Variants in STPG2 observed in about 807,000 individuals in gnomAD.
The protein encoded by STPG2 is sperm tail PG-rich repeat containing 2.
In STPG2, 56 loss-of-function variants were observed where a neutral mutation model predicts 54.2. The observed-to-expected ratio is 1.03, with a 90% CI of 0.83 to 1.29. The LOEUF is 1.29. Ranked by LOEUF, STPG2 falls within the 50% of genes most tolerant of loss-of-function variation. The pLI is 0.00. For missense variants in STPG2, 596 were observed against 544.9 expected (o/e 1.09, Z -0.93); for synonymous variants, 200 against 181.8 (o/e 1.10, Z -0.81).
chr4:97,951,464 C>T (rs900780872), intron 7 of STPG2, among the ~76,000 whole-genome samples: 3 of 151,982 alleles, frequency 2.0e-5, no homozygotes, highest in African/African-American at 4.8e-5. Flanking sequence ...TCTAATTATT[C>T]TTGAAATTAT....
intron 5 of STPG2, among the ~76,000 whole-genome samples, chr4:98,067,944 A>C (rs1201304420): frequency 6.6e-6 from 1 of 152,172 alleles, no homozygotes; most frequent in Non-Finnish European, 1.5e-5. Context: ...GAAGAAAACA[A>C]AAGCAGGGTT....
At chr4:97,656,564 T>A (rs1264813246) in intron 10 of STPG2, among the ~76,000 whole-genome samples, 5 of 151,936 alleles carry the variant, frequency 3.3e-5, no homozygotes, top group African/African-American at 1.2e-4. Context: ...TACCACAAAT[T>A]AGCATGGTCT....
intron 8 of STPG2, among the ~76,000 whole-genome samples, chr4:97,848,025 G>C (rs1178562901): frequency 1.3e-5 from 2 of 152,116 alleles, no homozygotes; most frequent in Non-Finnish European, 2.9e-5. Flanking sequence ...CATGCTAGTA[G>C]CCAATAAACT....
chr4:97,756,369 T>A (rs1336694880), intron 9 of STPG2, among the ~76,000 whole-genome samples: 1 of 152,216 alleles, frequency 6.6e-6, no homozygotes, highest in Non-Finnish European at 1.5e-5. Flanking sequence ...TTGCCCAAGC[T>A]GGAGTGCAAT....
intron 7 of STPG2, among the ~76,000 whole-genome samples, chr4:97,953,659 A>G (rs1249417794): frequency 6.6e-6 from 1 of 152,174 alleles, no homozygotes; most frequent in Non-Finnish European, 1.5e-5. Flanking sequence ...TGCTCCTTAA[A>G]TCAGTTCTAG....
At chr4:97,652,455 A>G (rs1024882722) in intron 10 of STPG2, among the ~76,000 whole-genome samples, 1 of 151,678 alleles carries the variant, frequency 6.6e-6, no homozygotes, top group Non-Finnish European at 1.5e-5. Flanking sequence ...TTGCTAGTAT[A>G]TGTTCTTACA....
At chr4:97,882,290 T>C (rs558094269) in intron 8 of STPG2, among the ~76,000 whole-genome samples, 6 of 152,136 alleles carry the variant, frequency 3.9e-5, no homozygotes, top group Non-Finnish European at 5.9e-5. Flanking sequence ...TCTTACTGTG[T>C]AGACCTTGGG....
intron 9 of STPG2, among the ~76,000 whole-genome samples, chr4:97,741,047 GA>G (rs1240782525): frequency 6.6e-6 from 1 of 152,028 alleles, no homozygotes; most frequent in Admixed American, 6.6e-5. Context: ...AGAGCCCTCA[GA>G]AAAAACACCG....
At chr4:98,041,133 C>T (rs1398398207) in intron 5 of STPG2, among the ~76,000 whole-genome samples, 1 of 151,492 alleles carries the variant, frequency 6.6e-6, no homozygotes, top group Non-Finnish European at 1.5e-5. Flanking sequence ...TGGTTCTCAG[C>T]TTATTTTTGG....
intron 8 of STPG2, among the ~76,000 whole-genome samples, chr4:97,919,448 TAAA>T (rs35578226): frequency 2.0e-5 from 3 of 150,258 alleles, no homozygotes; most frequent in African/African-American, 7.3e-5. Context: ...ACAGAAAAAT[TAAA>T]AAAAAGAAAA....
intron 4 of STPG2, among the ~76,000 whole-genome samples, chr4:97,488,601 G>T (rs1405259584): frequency 6.6e-6 from 1 of 151,586 alleles, no homozygotes; most frequent in Admixed American, 6.6e-5. Flanking sequence ...GAGAGGAGTG[G>T]GTAAGTAGGC....
chr4:98,003,096 C>A (rs1426674), intron 5 of STPG2, among the ~76,000 whole-genome samples: 59,901 of 151,838 alleles, frequency 0.39, 12,046 homozygotes, highest in Middle Eastern at 0.47. Flanking sequence ...AATCATTGAT[C>A]ACTACAAATA....
downstream of STPG2, among the ~76,000 whole-genome samples, chr4:97,558,702 A>C (rs1228856671): frequency 2.0e-5 from 3 of 152,180 alleles, no homozygotes; most frequent in Admixed American, 6.5e-5. Context: ...CCTAGGAGAC[A>C]CCTAGATTGC....
intron 10 of STPG2, among the ~76,000 whole-genome samples, chr4:97,622,810 A>G (rs1734046365): frequency 6.6e-6 from 1 of 152,182 alleles, no homozygotes. Context: ...CCAAAAGCCA[A>G]AGTAATCCTA....
chr4:97,668,312 G>C (rs1447053245), intron 10 of STPG2, among the ~76,000 whole-genome samples: 2 of 152,148 alleles, frequency 1.3e-5, no homozygotes, highest in Non-Finnish European at 2.9e-5. Flanking sequence ...AGACTGGAAA[G>C]ATAGACAAGT....
intron 5 of STPG2, among the ~76,000 whole-genome samples, chr4:98,008,824 C>T (rs1404161965): frequency 6.6e-6 from 1 of 152,050 alleles, no homozygotes; most frequent in Non-Finnish European, 1.5e-5. Context: ...GCTGCTTACT[C>T]ATTATTGGTC....
intron 4 of STPG2, among the ~76,000 whole-genome samples, chr4:97,511,524 A>G (rs1730972168): frequency 1.3e-5 from 2 of 152,060 alleles, no homozygotes; most frequent in African/African-American, 2.4e-5. Flanking sequence ...AGATTTTAGT[A>G]TACCTCTCTC....
At chr4:97,798,185 A>C (rs143274523) in intron 9 of STPG2, among the ~76,000 whole-genome samples, 1 of 151,678 alleles carries the variant, frequency 6.6e-6, no homozygotes, top group African/African-American at 2.4e-5. Flanking sequence ...TATCTCTTTC[A>C]GTTCTTCTCT....
intron 8 of STPG2, among the ~76,000 whole-genome samples, chr4:97,861,233 T>C (rs993506703): frequency 5.9e-5 from 9 of 151,966 alleles, no homozygotes; most frequent in South Asian, 2.1e-4. Flanking sequence ...AATAGACATA[T>C]GAAAAAATGC....
Sources: allele counts gnomAD v4.1 joint callset (sites outside exome capture counted in the v4.1 genomes callset), GRCh38; gene constraint gnomAD v4.1.1; transcripts MANE v1.5; gene names NCBI Gene and HGNC (gene_info 2026-07-23, HGNC 2026-07-21).